AKAP13: variants seen among roughly 807,000 people sequenced by gnomAD.
AKAP13 encodes A-kinase anchoring protein 13.
A neutral mutation model predicts 264.5 loss-of-function variants in AKAP13; 80 were observed. That is an observed-to-expected ratio of 0.30 (90% CI 0.25 to 0.36). AKAP13 has a LOEUF of 0.36. Among genes scored for constraint, AKAP13 ranks in the 10% least tolerant of loss-of-function variants. The probability of loss-of-function intolerance (pLI) is 1.00; values close to 1 mark genes in which losing one functional copy is unlikely to be tolerated. For missense variants in AKAP13, 3,712 were observed against 3,435.2 expected (o/e 1.08, Z -2.01); for synonymous variants, 1,380 against 1,250.2 (o/e 1.10, Z -2.19).
intron 1 of AKAP13, among the ~76,000 whole-genome samples, chr15:85,439,064 A>G (rs914364947): frequency 2.6e-5 from 4 of 151,048 alleles, no homozygotes; most frequent in Non-Finnish European, 5.9e-5. Context: ...TTCGCAACCT[A>G]CTCATCTGAC....
intron 1 of AKAP13, among the ~76,000 whole-genome samples, chr15:85,386,302 T>C (rs763253515): frequency 1.1e-4 from 17 of 152,100 alleles, no homozygotes; most frequent in Non-Finnish European, 1.9e-4. Flanking sequence ...CTACAAGTTA[T>C]TATTTTTTTT....
chr15:85,433,117 G>GTTTTTTTT (rs199655190), intron 1 of AKAP13, among the ~76,000 whole-genome samples: 3 of 53,242 alleles, frequency 5.6e-5, no homozygotes, highest in Admixed American at 2.4e-4. Flanking sequence ...CTTCTGTACA[G>GTTTTTTTT]TTTTTTTTTT....
intron 1 of AKAP13, among the ~76,000 whole-genome samples, chr15:85,475,498 C>T (rs1256216537): frequency 6.6e-6 from 1 of 152,170 alleles, no homozygotes; most frequent in Non-Finnish European, 1.5e-5. Context: ...AATAACATGT[C>T]CATGAGTTCC....
intron 8 of AKAP13, among the ~76,000 whole-genome samples, chr15:85,605,201 C>T (rs768939682): frequency 6.6e-6 from 1 of 152,178 alleles, no homozygotes; most frequent in Non-Finnish European, 1.5e-5. Flanking sequence ...CATGAAACTT[C>T]GTCTCGAATA....
rs1454028864 is a variant in AKAP13, at chr15:85,621,642, G to A, written c.4162-17732G>A. 1.3e-5 allele frequency: 2 copies of A among 152,174 alleles called. 1 individual carries two copies. Among genetic ancestry groups the A allele is most frequent in the Non-Finnish European group, 2.9e-5 (2 of 68,034 alleles). The allele number at this position is 152,174 out of a possible 1,614,324, so 9.4% of individuals were successfully genotyped here. On this transcript the variant is annotated intron_variant, in intron 8 of 36. Coordinates refer to ENST00000394518, the MANE Select transcript of AKAP13 (RefSeq NM_007200.5). ...GGCATGGAAAGCCCTTGTGAATGGA[G>A]CTAAATCAGTACAGGCTTATTGGCC...
chr15:85,566,741 C>G (rs1226701339), intron 5 of AKAP13, among the ~76,000 whole-genome samples: 1 of 151,476 alleles, frequency 6.6e-6, no homozygotes, highest in Non-Finnish European at 1.5e-5. Context: ...ATTCTTCTGC[C>G]TCAGACTTCT....
Position 85,580,220 on chromosome 15 carries a change from A to G in AKAP13, c.2152A>G (p.Thr718Ala), listed in dbSNP as rs768427645. The G allele has an allele frequency of 1.2e-6, 2 of 1,614,146 alleles. No homozygotes were observed. Among genetic ancestry groups the G allele is most frequent in the Non-Finnish European group, 1.7e-6 (2 of 1,180,020 alleles). The stretch of plus-strand genomic sequence containing the variant: ...TGAAGACCCACAGGCTCATACAGTC[A>G]CCTCTGACCCTGTAAGGGATACCCA... ...HCEDPQAHTVTSDPVRDTQER... is the reference protein window; with the variant it reads ...HCEDPQAHTVASDPVRDTQER... Residue 718 changes from threonine (T) to alanine (A), a missense_variant, in exon 7 of 37, where the codon ACC (threonine) becomes GCC (alanine). By Grantham distance (58) the Thr-to-Ala change is moderately conservative. Transcript: ENST00000394518.
At chr15:85,606,928 C>A (rs1238489574) in intron 8 of AKAP13, among the ~76,000 whole-genome samples, 1 of 152,152 alleles carries the variant, frequency 6.6e-6, no homozygotes, top group East Asian at 1.9e-4. Flanking sequence ...GTATTTCAGC[C>A]TTCTGGGTGG....
intron 2 of AKAP13, among the ~76,000 whole-genome samples, chr15:85,504,207 A>G (rs534579611): frequency 6.6e-6 from 1 of 152,262 alleles, no homozygotes; most frequent in East Asian, 1.9e-4. Context: ...TTCAGATTTT[A>G]ATGACAGAAT....
In AKAP13 at chr15:85,724,066, G is replaced by A. The variant is rs10852054; in HGVS notation, c.6745+746G>A. On this transcript the variant is annotated intron_variant, in intron 26 of 36. Transcript: ENST00000394518. This position sits in a 1 kb window ranked among gnomAD's most constrained non-coding sequence, Gnocchi z 4.2. ...AATAGCCTTGAATTATACCCACCCCGTCGCCCTGGCCTCAGTGAGCTGAGG... is the reference window on the plus strand; with the variant it reads ...AATAGCCTTGAATTATACCCACCCCATCGCCCTGGCCTCAGTGAGCTGAGG... 3.3e-5 allele frequency among the ~76,000 whole-genome samples: 5 copies of A among 151,884 alleles called. No individual in the cohort carries two copies. Among genetic ancestry groups the A allele is most frequent in the Admixed American group, 1.3e-4 (2 of 15,264 alleles).
chr15:85,521,079 T>C (rs1035777774), intron 2 of AKAP13, among the ~76,000 whole-genome samples: 2 of 152,232 alleles, frequency 1.3e-5, no homozygotes, highest in African/African-American at 4.8e-5. Context: ...CTCTGCCTTA[T>C]TTTTGGATTT....
At chr15:85,496,223 A>T (rs954380962) in intron 2 of AKAP13, among the ~76,000 whole-genome samples, 2 of 152,164 alleles carry the variant, frequency 1.3e-5, no homozygotes, top group African/African-American at 4.8e-5. Flanking sequence ...CATTTAAAGA[A>T]GGGAAATCAG....
chr15:85,490,633 T>G (rs2075695388), intron 2 of AKAP13, among the ~76,000 whole-genome samples: 1 of 152,228 alleles, frequency 6.6e-6, no homozygotes, highest in African/African-American at 2.4e-5. Flanking sequence ...AACATTTTGT[T>G]CCTGGTGTTT....
At chr15:85,455,440 AT>A (rs2074249150) in intron 1 of AKAP13, among the ~76,000 whole-genome samples, 1 of 152,114 alleles carries the variant, frequency 6.6e-6, no homozygotes, top group Non-Finnish European at 1.5e-5. Context: ...AAATTCCTAG[AT>A]TTCACCTAGA....
intron 17 of AKAP13, among the ~76,000 whole-genome samples, chr15:85,696,153 A>G (rs1567200205): frequency 6.6e-6 from 1 of 152,224 alleles, no homozygotes; most frequent in East Asian, 1.9e-4. Flanking sequence ...GTTAGTTATT[A>G]GTATGATTAG....
intron 35 of AKAP13, among the ~76,000 whole-genome samples, chr15:85,741,705 A>C (rs1212696957): frequency 0.014 from 799 of 58,488 alleles, 7 homozygotes; most frequent in African/African-American, 0.036. Context: ...CCTAAAAAAA[A>C]AAAAAAAAAA....
chr15:85,602,497 A>T (rs977505411), intron 8 of AKAP13, among the ~76,000 whole-genome samples: 28 of 143,164 alleles, frequency 2.0e-4, no homozygotes, highest in Admixed American at 5.6e-4. Context: ...ATATATATAT[A>T]TTTTTTTGAA....
At chr15:85,533,222 A>C (rs576515782) in intron 3 of AKAP13, among the ~76,000 whole-genome samples, 1 of 152,164 alleles carries the variant, frequency 6.6e-6, no homozygotes, top group Non-Finnish European at 1.5e-5. Flanking sequence ...TGGACTTTCC[A>C]TCATATGCTA....
chr15:85,646,383 C>G (rs753430964), intron 10 of AKAP13, among the ~76,000 whole-genome samples: 1 of 152,036 alleles, frequency 6.6e-6, no homozygotes, highest in Non-Finnish European at 1.5e-5. Flanking sequence ...GTCAAGTTCG[C>G]GCCACTAAAC....
Sources: gnomAD v4.1 joint callset for allele counts (sites outside exome capture counted in the v4.1 genomes callset) on GRCh38, gnomAD v4.1.1 for gene constraint, Gnocchi (gnomAD v3.1) non-coding constraint, MANE v1.5 for transcripts, NCBI Gene and HGNC (gene_info 2026-07-23, HGNC 2026-07-21) for gene names.